Variants in HEATR9 observed in about 807,000 individuals in gnomAD.
HEATR9 encodes HEAT repeat containing 9.
HEATR9 carries 54 observed loss-of-function variants against 68.2 expected under a neutral mutation model. The ratio of observed to expected loss-of-function variants is 0.79; its 90% CI spans 0.64 to 0.99. HEATR9 has a LOEUF of 0.99. Ranked by LOEUF, HEATR9 falls within the 50% of genes least tolerant of loss-of-function variation. The pLI is 0.00. For missense variants in HEATR9, 662 were observed against 679.7 expected, an observed-to-expected ratio of 0.97 and a Z score of 0.29; for synonymous variants, 241 against 253.5, an observed-to-expected ratio of 0.95 and a Z score of 0.47.
Position 35,856,816 on chromosome 17 carries a change from A to G in HEATR9, c.1153-11T>C, listed in dbSNP as rs1384602691. The G allele has an allele frequency of 1.9e-6, 3 of 1,596,576 alleles. No individual in the cohort carries two copies. The South Asian group carries it at 3.4e-5, about 18-fold the overall frequency. ...AGCCTGCCTCACAGCCTGCAGAGGG[A>G]TCAAAATGAGTCAACAGAGAGAGGG... On this transcript the variant is annotated splice_polypyrimidine_tract_variant and intron_variant, in intron 11 of 14. Transcript: ENST00000604834.
chr17:35,867,069 G>A (rs2088222736), intron 1 of HEATR9, among the ~76,000 whole-genome samples: 1 of 150,108 alleles, frequency 6.7e-6, no homozygotes, highest in African/African-American at 2.5e-5. Flanking sequence ...GGCTAACATG[G>A]TGAAACCCCG....
intron 11 of HEATR9, among the ~76,000 whole-genome samples, chr17:35,857,027 G>A (rs958704914): frequency 2.0e-5 from 3 of 152,106 alleles, no homozygotes; most frequent in African/African-American, 7.2e-5. Context: ...GTGCCAGGAA[G>A]ACTTCCTGGA....
Position 35,864,551 on chromosome 17 carries a change from T to A in HEATR9, c.456A>T (p.Glu152Asp), listed in dbSNP as rs150018134. 6.2e-7 allele frequency: 1 copy of A among 1,613,548 alleles called. No homozygotes were observed. Among genetic ancestry groups the A allele is most frequent in the Non-Finnish European group, 8.5e-7 (1 of 1,179,852 alleles). Residue 152 changes from glutamate to aspartate, a missense_variant and splice_region_variant, in exon 5 of 15, where the codon GAA becomes GAT. Glu to Asp is a conservative substitution (Grantham distance 45, BLOSUM62 2). Transcript: ENST00000604834. ...TGGGAGATTCCAGGCTTTTTGTGAG[T>A]TCCTGCCCATCCAAGGCAGCCAGTG... ...QDPLKWQRLR[E>D]LTKSLESPRE...
In HEATR9 at chr17:35,858,673, G is replaced by C; in HGVS notation, c.940-148C>G. ...GCCTCTTGACCACAGAAGTTCATGT[G>C]TGCATATACATAAATGAACACCCAC... On this transcript the variant is annotated intron_variant, in intron 9 of 14. Coordinates refer to ENST00000604834, the MANE Select transcript of HEATR9 (RefSeq NM_152781.4). 3.6e-6 allele frequency: 3 copies of C among 835,470 alleles called. No homozygotes were observed. The East Asian group carries it at 8.0e-5, about 22-fold the overall frequency. The allele number at this position is 835,470 out of a possible 1,614,324, so 51.8% of individuals were successfully genotyped here. A position where few individuals can be genotyped will look rare whatever the true frequency, so the allele number is the denominator to read the frequency against.
chr17:35,860,214 C>T (rs549279608), intron 8 of HEATR9, among the ~76,000 whole-genome samples: 1 of 149,830 alleles, frequency 6.7e-6, no homozygotes, highest in African/African-American at 2.5e-5. Flanking sequence ...GAAACCCCAT[C>T]TCTACTAAAA....
chr17:35,855,522 C>A, intron 14 of HEATR9, 112 bp from the exon 15 acceptor site: 1 of 1,310,714 alleles, frequency 7.6e-7, no homozygotes, highest in South Asian at 1.3e-5. Context: ...CACTGTGGCC[C>A]CAAGGAACAA....
intron 8 of HEATR9, among the ~76,000 whole-genome samples, chr17:35,860,125 G>A (rs922336138): frequency 2.6e-5 from 4 of 151,950 alleles, no homozygotes; most frequent in African/African-American, 4.8e-5. Context: ...GGCCGGGCAC[G>A]GTGGCTTACG....
intron 1 of HEATR9, among the ~76,000 whole-genome samples, chr17:35,867,089 A>C (rs1283542835): frequency 6.5e-5 from 6 of 91,682 alleles, no homozygotes; most frequent in Non-Finnish European, 1.2e-4. Flanking sequence ...GTCTCCACTA[A>C]AAATACAAAA....
intron 8 of HEATR9, chr17:35,861,031 G>C: frequency 1.4e-6 from 1 of 703,528 alleles, no homozygotes; most frequent in South Asian, 1.4e-5. Context: ...GGGTGACAGA[G>C]CGAGATTCGG....
In HEATR9 at chr17:35,856,451, C is replaced by A. The variant is rs572992843; in HGVS notation, c.1227-227G>T. 27 of 1,278,514 alleles carry A rather than the reference C, an allele frequency of 2.1e-5. No individual in the cohort carries two copies. In the East Asian group the frequency reaches 5.8e-4, roughly 27 times the overall value. The allele number at this position is 1,278,514 out of a possible 1,614,324, so 79.2% of individuals were successfully genotyped here. A position where few individuals can be genotyped will look rare whatever the true frequency, so the allele number is the denominator to read the frequency against. On this transcript the variant is annotated intron_variant, in intron 12 of 14. Transcript: ENST00000604834. The stretch of plus-strand genomic sequence containing the variant: ...GATCAGGACTGTCCAGAAATTTTAT[C>A]TTTTTAAAAAAAGTTCTTTTCATGT...
intron 3 of HEATR9, 74 bp from the exon 4 acceptor site, chr17:35,864,964 C>T: frequency 6.4e-7 from 1 of 1,573,902 alleles, no homozygotes; most frequent in Non-Finnish European, 8.7e-7. Flanking sequence ...TCACTTCTGC[C>T]ACAGGGCTAC....
chr17:35,858,193 C>A lies in HEATR9; in HGVS notation c.1152+7G>T. 6 of 1,614,116 alleles carry A rather than the reference C, an allele frequency of 3.7e-6. No homozygotes were observed. Among genetic ancestry groups the A allele is most frequent in the Non-Finnish European group, 5.1e-6 (6 of 1,180,026 alleles). On this transcript the variant is annotated splice_region_variant and intron_variant, in intron 11 of 14. Coordinates refer to ENST00000604834, the MANE Select transcript of HEATR9 (RefSeq NM_152781.4). ...TCTCTGGGCTTGGGAGCTTTGGTCT[C>A]ACTTACAAGGAAGGGTTCATTATGC...
rs775438137 is a variant in HEATR9, at chr17:35,858,289, T to C, written c.1063A>G (p.Thr355Ala). Reference sequence around the variant, plus strand: ...GCCTGGATCTGTTCCAGCCCAATGGTCTTGAGCATTTGGGTGGCTTCAAAG... The same window carrying C: ...GCCTGGATCTGTTCCAGCCCAATGGCCTTGAGCATTTGGGTGGCTTCAAAG... Reference protein sequence around the residue: ...DRFEATQMLKTIGLEQIQAQG... With the variant: ...DRFEATQMLKAIGLEQIQAQG... The change falls in exon 11 of 15, where the codon ACC (threonine) becomes GCC (alanine). Residue 355 changes from threonine to alanine, a missense_variant. By Grantham distance (58) the Thr-to-Ala change is moderately conservative. Coordinates refer to ENST00000604834, the MANE Select transcript of HEATR9 (RefSeq NM_152781.4). The C allele has an allele frequency of 5.6e-6, 9 of 1,613,990 alleles. No homozygotes were observed. In the South Asian group the frequency reaches 8.8e-5, roughly 16 times the overall value.
At chr17:35,863,254 T>C (rs373675502) in intron 7 of HEATR9, 129 bp from the exon 8 acceptor site, 19 of 1,266,816 alleles carry the variant, frequency 1.5e-5, no homozygotes, top group African/African-American at 1.2e-4. Context: ...GTTGCTCATC[T>C]TCCCAGGATA....
chr17:35,862,706 T>C (rs2088039356), intron 8 of HEATR9, among the ~76,000 whole-genome samples: 1 of 152,230 alleles, frequency 6.6e-6, no homozygotes, highest in African/African-American at 2.4e-5. Flanking sequence ...TGCACCATTG[T>C]AAAGTCGAAA....
intron 8 of HEATR9, among the ~76,000 whole-genome samples, chr17:35,859,707 C>T (rs1472661283): frequency 6.6e-6 from 1 of 152,214 alleles, no homozygotes; most frequent in Non-Finnish European, 1.5e-5. Context: ...CCAGCACTTC[C>T]TGGAGAAAAA....
chr17:35,864,922 C>G lies in HEATR9; in HGVS notation c.321-32G>C, dbSNP rs148728864. 3.0e-3 allele frequency: 4,825 copies of G among 1,614,028 alleles called. 17 individuals are homozygous for G. The highest frequency in any genetic ancestry group is 3.7e-3 in the Non-Finnish European group (4,420 of 1,179,916). On this transcript the variant is annotated intron_variant, in intron 3 of 14. Transcript: ENST00000604834. ...GAGAAATTGCATAGGCAGCTTTGGTCCCTTTGTACCTTCCCTCCTCAGGTT... is the reference window on the plus strand; with the variant it reads ...GAGAAATTGCATAGGCAGCTTTGGTGCCTTTGTACCTTCCCTCCTCAGGTT...
chr17:35,864,893 G>T lies in HEATR9; in HGVS notation c.321-3C>A, dbSNP rs376849963. ...TTTGATGTACCTCTTTGATGTACCT[G>T]TGTGAGAAATTGCATAGGCAGCTTT... is the stretch of plus-strand genomic sequence containing the variant. On this transcript the variant is annotated splice_polypyrimidine_tract_variant and splice_region_variant and intron_variant, in intron 3 of 14. Coordinates refer to ENST00000604834, the MANE Select transcript of HEATR9 (RefSeq NM_152781.4). 1.2e-5 allele frequency: 20 copies of T among 1,614,220 alleles called. No homozygotes were observed. In the African/African-American group the frequency reaches 2.7e-4, roughly 22 times the overall value.
chr17:35,858,191 C>T lies in HEATR9; in HGVS notation c.1152+9G>A. On this transcript the variant is annotated intron_variant, in intron 11 of 14. Transcript: ENST00000604834. ...TGTCTCTGGGCTTGGGAGCTTTGGTCTCACTTACAAGGAAGGGTTCATTAT... is the reference window on the plus strand; with the variant it reads ...TGTCTCTGGGCTTGGGAGCTTTGGTTTCACTTACAAGGAAGGGTTCATTAT... 6.2e-7 allele frequency: 1 copy of T among 1,614,106 alleles called. No homozygotes were observed. The highest frequency in any genetic ancestry group is 1.7e-5 in the Admixed American group (1 of 60,014).
Sources: allele counts gnomAD v4.1 joint callset (sites outside exome capture counted in the v4.1 genomes callset), GRCh38; gene constraint gnomAD v4.1.1; transcripts MANE v1.5; gene names NCBI Gene and HGNC (gene_info 2026-07-23, HGNC 2026-07-21).